ADARB2: variants seen among roughly 807,000 people sequenced by gnomAD.
ADARB2 encodes inactive double-stranded RNA-specific editase B2.
In ADARB2, 25 loss-of-function variants were observed where a neutral mutation model predicts 62.2. The ratio of observed to expected loss-of-function variants is 0.40; its 90% confidence interval spans 0.29 to 0.56. The LOEUF is 0.56. ADARB2 is among the 20% of genes least tolerant of loss of function. The pLI is 0.43. For synonymous variants in ADARB2, 572 were observed against 500.8 expected (o/e 1.14, Z -1.90); for missense variants, 1,071 against 1,077.4 (o/e 0.99, Z 0.08).
chr10:1,256,990 T>C (rs752600361), intron 4 of ADARB2, among the ~76,000 whole-genome samples: 3 of 152,198 alleles, frequency 2.0e-5, no homozygotes, highest in Non-Finnish European at 4.4e-5. Context: ...TCATAAATAA[T>C]TCATGGACTA....
intron 3 of ADARB2, among the ~76,000 whole-genome samples, chr10:1,289,102 C>G (rs1831440433): frequency 6.6e-6 from 1 of 152,210 alleles, no homozygotes; most frequent in African/African-American, 2.4e-5. Flanking sequence ...CCAAAGCCTG[C>G]TACCCAGAGA....
At chr10:1,316,537 G>C (rs1438284313) in intron 3 of ADARB2, among the ~76,000 whole-genome samples, 1 of 152,164 alleles carries the variant, frequency 6.6e-6, no homozygotes, top group Non-Finnish European at 1.5e-5. Flanking sequence ...CAGTCATTCT[G>C]GGAGTCATTG....
chr10:1,286,923 C>T (rs891981897), intron 3 of ADARB2, among the ~76,000 whole-genome samples: 1 of 152,146 alleles, frequency 6.6e-6, no homozygotes, highest in African/African-American at 2.4e-5. Context: ...CATTATCATC[C>T]AACTGTGTGC....
chr10:1,570,652 G>C (rs1258316569), intron 1 of ADARB2, among the ~76,000 whole-genome samples: 1 of 152,212 alleles, frequency 6.6e-6, no homozygotes, highest in Non-Finnish European at 1.5e-5. Flanking sequence ...GGGTGAGTCA[G>C]GAGGGCACAA....
chr10:1,464,419 G>T (rs113174248), intron 1 of ADARB2, among the ~76,000 whole-genome samples: 81 of 74,300 alleles, frequency 1.1e-3, no homozygotes, highest in Admixed American at 2.0e-3. Flanking sequence ...ACACACGCGC[G>T]GGGGCCAGTC....
chr10:1,415,452 TTGA>T (rs1307805836), intron 1 of ADARB2, among the ~76,000 whole-genome samples: 4 of 151,932 alleles, frequency 2.6e-5, no homozygotes, highest in African/African-American at 7.2e-5. Flanking sequence ...GACAGATGAG[TTGA>T]TGAGTGGATG....
chr10:1,440,422 CTT>C lies in ADARB2; in HGVS notation c.101-61264_101-61263del, dbSNP rs113675218. ...TATTCCACACCTTTGCTACAAACGC[CTT>C]TTTTTTTTTTTTCTTACCATCTTTA... On this transcript the variant is annotated intron_variant, in intron 1 of 9. Transcript: ENST00000381312. 4.6e-3 allele frequency among the ~76,000 whole-genome samples: 668 copies of C among 144,100 alleles called. 10 individuals carry two copies. The highest frequency in any genetic ancestry group is 0.014 in the African/African-American group (574 of 39,810). The allele number at this position is 144,100 out of a possible 152,430, so 94.5% of individuals were successfully genotyped here.
chr10:1,316,969 A>G (rs572368631), intron 3 of ADARB2, among the ~76,000 whole-genome samples: 11 of 152,366 alleles, frequency 7.2e-5, no homozygotes, highest in Admixed American at 7.2e-4. Flanking sequence ...TTTTTCTCCC[A>G]GTTAAAGCCC....
chr10:1,262,320 A>AATAAT (rs1491172859), intron 4 of ADARB2, among the ~76,000 whole-genome samples: 2 of 146,996 alleles, frequency 1.4e-5, no homozygotes, highest in Non-Finnish European at 3.0e-5. Context: ...TAATAATAAT[A>AATAAT]AAAGAAACCA....
At chr10:1,367,610 A>G (rs1405322478) in intron 2 of ADARB2, among the ~76,000 whole-genome samples, 4 of 152,212 alleles carry the variant, frequency 2.6e-5, no homozygotes, top group East Asian at 3.9e-4. Flanking sequence ...GAGATTAACC[A>G]TGGGATTTTC....
At chr10:1,208,852 G>C (rs889539472) in intron 7 of ADARB2, among the ~76,000 whole-genome samples, 4 of 152,216 alleles carry the variant, frequency 2.6e-5, no homozygotes, top group African/African-American at 9.6e-5. Context: ...CAGACCATTG[G>C]CCCAGGAAGA....
At chr10:1,324,453 C>T (rs572745155) in intron 3 of ADARB2, among the ~76,000 whole-genome samples, 13 of 152,290 alleles carry the variant, frequency 8.5e-5, no homozygotes, top group African/African-American at 2.6e-4. Flanking sequence ...ATAGCAGCTG[C>T]GTTCATATGA....
chr10:1,313,815 T>C (rs980544560), intron 3 of ADARB2, among the ~76,000 whole-genome samples: 2 of 152,198 alleles, frequency 1.3e-5, no homozygotes, highest in African/African-American at 4.8e-5. Context: ...GCATCAACCT[T>C]CCTTCTGAGG....
intron 4 of ADARB2, among the ~76,000 whole-genome samples, chr10:1,257,197 A>G (rs1831087549): frequency 6.6e-6 from 1 of 152,158 alleles, no homozygotes; most frequent in African/African-American, 2.4e-5. Context: ...CTGGGCTCAA[A>G]TCTGGCTGGT....
intron 1 of ADARB2, among the ~76,000 whole-genome samples, chr10:1,624,841 C>A (rs912443884): frequency 6.6e-6 from 1 of 151,888 alleles, no homozygotes; most frequent in Admixed American, 6.6e-5. Flanking sequence ...GAGAAGATGG[C>A]TTTTGTGAGT....
intron 4 of ADARB2, among the ~76,000 whole-genome samples, chr10:1,247,364 A>G (rs1001393984): frequency 2.0e-5 from 3 of 152,104 alleles, no homozygotes; most frequent in Non-Finnish European, 4.4e-5. Context: ...TTCCAACACT[A>G]TGTTGAATAG....
chr10:1,543,741 C>T (rs1832473317), intron 1 of ADARB2, among the ~76,000 whole-genome samples: 2 of 152,218 alleles, frequency 1.3e-5, no homozygotes, highest in African/African-American at 2.4e-5. Context: ...CTGTGCTCTC[C>T]TGAGCAGCCG....
intron 1 of ADARB2, among the ~76,000 whole-genome samples, chr10:1,720,034 C>G (rs1025926947): frequency 6.6e-6 from 1 of 152,164 alleles, no homozygotes; most frequent in Non-Finnish European, 1.5e-5. Context: ...TATACCCACC[C>G]CCCACCAAAT....
chr10:1,318,586 C>G (rs1201994684), intron 3 of ADARB2, among the ~76,000 whole-genome samples: 2 of 147,220 alleles, frequency 1.4e-5, no homozygotes, highest in East Asian at 2.0e-4. Flanking sequence ...TCCACCTGAT[C>G]TCTCTGGGCA....
Sources: gnomAD v4.1 joint callset for allele counts (sites outside exome capture counted in the v4.1 genomes callset) on GRCh38, gnomAD v4.1.1 for gene constraint, MANE v1.5 for transcripts, NCBI Gene and HGNC (gene_info 2026-07-23, HGNC 2026-07-21) for gene names.